The following LIN7A variants were observed in gnomAD, a reference collection of about 807,000 sequenced individuals.
The protein encoded by LIN7A is protein lin-7 homolog A.
A neutral mutation model predicts 29.8 loss-of-function variants in LIN7A; 25 were observed. The observed-to-expected ratio is 0.84, with a 90% CI of 0.61 to 1.17. LIN7A has a LOEUF of 1.17. LIN7A is among the 50% of genes most tolerant of loss of function. The pLI is 0.00. For missense variants in LIN7A, 239 were observed against 287.0 expected (o/e 0.83, Z 1.21); for synonymous variants, 118 against 107.5 (o/e 1.10, Z -0.60).
At chr12:80,866,833 T>G (rs1874165723) in intron 2 of LIN7A, among the ~76,000 whole-genome samples, 1 of 152,230 alleles carries the variant, frequency 6.6e-6, no homozygotes, top group South Asian at 2.1e-4. Context: ...ATTCTTAGAA[T>G]GCCAGCTGTG....
At chr12:80,839,183 C>T (rs936551217) in intron 4 of LIN7A, among the ~76,000 whole-genome samples, 3 of 152,204 alleles carry the variant, frequency 2.0e-5, no homozygotes, top group Non-Finnish European at 4.4e-5. Flanking sequence ...ATCTTTTCTA[C>T]ATTGTACATG....
intron 1 of LIN7A, among the ~76,000 whole-genome samples, chr12:80,911,534 A>G (rs1876749455): frequency 6.6e-6 from 1 of 152,172 alleles, no homozygotes; most frequent in Non-Finnish European, 1.5e-5. Context: ...ATTTGACCAA[A>G]TAACATAGTA....
chr12:80,880,381 A>C (rs963719682), intron 2 of LIN7A, among the ~76,000 whole-genome samples: 1 of 152,208 alleles, frequency 6.6e-6, no homozygotes, highest in Non-Finnish European at 1.5e-5. Flanking sequence ...TTCTGACCCA[A>C]GTTCAGCCAA....
At chr12:80,930,516 TA>T (rs1310749405) in intron 1 of LIN7A, among the ~76,000 whole-genome samples, 1 of 152,198 alleles carries the variant, frequency 6.6e-6, no homozygotes, top group Non-Finnish European at 1.5e-5. Flanking sequence ...TATTTATGGT[TA>T]AAAAAATTGA....
chr12:80,927,160 T>C (rs1443573202), intron 1 of LIN7A, among the ~76,000 whole-genome samples: 4 of 122,928 alleles, frequency 3.3e-5, no homozygotes, highest in Middle Eastern at 4.0e-3. Flanking sequence ...TTTTTCTTTT[T>C]TTTTTTTTTT....
chr12:80,846,208 G>C (rs1487104035), intron 3 of LIN7A, among the ~76,000 whole-genome samples: 1 of 152,078 alleles, frequency 6.6e-6, no homozygotes, highest in Non-Finnish European at 1.5e-5. Flanking sequence ...ATCCTTTCCA[G>C]TTACCTTGGT....
Position 80,863,937 on chromosome 12 carries a change from G to A in LIN7A, c.202-15615C>T, listed in dbSNP as rs1251683135. 3.3e-5 allele frequency among the ~76,000 whole-genome samples: 5 copies of A among 152,060 alleles called. No individual in the cohort carries two copies. In the East Asian group the frequency reaches 9.6e-4, roughly 29 times the overall value. ...AACAACATTAAAATGTTCCTTTGAAGAAAAGGCAGCACCAAATATTTACTC... is the reference window on the plus strand; with the variant it reads ...AACAACATTAAAATGTTCCTTTGAAAAAAAGGCAGCACCAAATATTTACTC... On this transcript the variant is annotated intron_variant, in intron 2 of 5. Transcript: ENST00000552864.
chr12:80,922,857 T>G (rs1260871539), intron 1 of LIN7A, among the ~76,000 whole-genome samples: 1 of 152,170 alleles, frequency 6.6e-6, no homozygotes, highest in African/African-American at 2.4e-5. Flanking sequence ...CCCTTTGTCC[T>G]GTATACACTA....
At chr12:80,858,875 A>G (rs941069254) in intron 2 of LIN7A, among the ~76,000 whole-genome samples, 6 of 152,178 alleles carry the variant, frequency 3.9e-5, no homozygotes, top group African/African-American at 1.4e-4. Context: ...ACTTTTTAAA[A>G]TAGGTCTTTA....
chr12:80,848,199 A>G (rs1299292256), intron 3 of LIN7A, 52 bp downstream of exon 3: 3 of 1,310,718 alleles, frequency 2.3e-6, no homozygotes, highest in Non-Finnish European at 3.3e-6. Flanking sequence ...GCGCACAATC[A>G]ATTACTAGAT....
intron 4 of LIN7A, among the ~76,000 whole-genome samples, chr12:80,839,684 G>A (rs1872725638): frequency 1.3e-5 from 2 of 152,084 alleles, no homozygotes; most frequent in African/African-American, 4.8e-5. Flanking sequence ...CACAGAGCTC[G>A]AATCTACAGT....
At chr12:80,933,720 AT>A (rs1878046957) in intron 1 of LIN7A, among the ~76,000 whole-genome samples, 1 of 152,042 alleles carries the variant, frequency 6.6e-6, no homozygotes, top group South Asian at 2.1e-4. Context: ...TCCTGAGGAC[AT>A]TTCCCCAGGT....
chr12:80,878,689 C>G (rs1008183845), intron 2 of LIN7A, among the ~76,000 whole-genome samples: 1 of 152,142 alleles, frequency 6.6e-6, no homozygotes, highest in Non-Finnish European at 1.5e-5. Context: ...GCTGATTGGT[C>G]CATTTTACAG....
At chr12:80,919,900 C>T (rs1005735046) in intron 1 of LIN7A, among the ~76,000 whole-genome samples, 2 of 151,996 alleles carry the variant, frequency 1.3e-5, no homozygotes, top group Non-Finnish European at 2.9e-5. Flanking sequence ...CACCACCAAG[C>T]TCATTCACTA....
At chr12:80,848,041 C>T in intron 3 of LIN7A, 1 of 664,058 alleles carries the variant, frequency 1.5e-6, no homozygotes. Flanking sequence ...TGAAATCATT[C>T]TCCTTTCTTA....
chr12:80,907,065 G>GTGTGTC (rs1440257291), intron 1 of LIN7A, among the ~76,000 whole-genome samples: 1 of 145,932 alleles, frequency 6.9e-6, no homozygotes, highest in Non-Finnish European at 1.5e-5. Context: ...CTGTGTGTGT[G>GTGTGTC]TGTGTGTGTG....
chr12:80,895,951 T>C (rs1875868576), intron 1 of LIN7A, among the ~76,000 whole-genome samples: 1 of 152,328 alleles, frequency 6.6e-6, no homozygotes, highest in Middle Eastern at 3.4e-3. Context: ...AAAAAATATA[T>C]GCTTCACTAT....
chr12:80,884,401 T>C (rs1199101983), intron 2 of LIN7A, among the ~76,000 whole-genome samples: 1 of 152,168 alleles, frequency 6.6e-6, no homozygotes, highest in African/African-American at 2.4e-5. Context: ...AGACTACATG[T>C]TCATAAAAGG....
At chr12:80,839,917 T>C (rs1447298397) in intron 4 of LIN7A, among the ~76,000 whole-genome samples, 1 of 152,240 alleles carries the variant, frequency 6.6e-6, no homozygotes, top group Non-Finnish European at 1.5e-5. Flanking sequence ...GACAATTTTA[T>C]TTAGTTTTAA....
Sources: gnomAD v4.1 joint callset for allele counts (sites outside exome capture counted in the v4.1 genomes callset) on GRCh38, gnomAD v4.1.1 for gene constraint, MANE v1.5 for transcripts, NCBI Gene and HGNC (gene_info 2026-07-23, HGNC 2026-07-21) for gene names.